The following OPTN variants were observed in gnomAD, a reference collection of about 807,000 sequenced individuals.
OPTN encodes the protein E3-14.7K-interacting protein.
In OPTN, 54 loss-of-function variants were observed where a neutral mutation model predicts 70.4. The ratio of observed to expected loss-of-function variants is 0.77; its 90% CI spans 0.62 to 0.96. The LOEUF is 0.96. Ranked by LOEUF, OPTN falls within the 40% of genes least tolerant of loss-of-function variation. The pLI, the probability that OPTN is intolerant of heterozygous loss-of-function variation, is 0.00. For missense variants in OPTN, 624 were observed against 673.2 expected, an observed-to-expected ratio of 0.93 and a Z score of 0.81; for synonymous variants, 256 against 248.5, an observed-to-expected ratio of 1.03 and a Z score of -0.28.
intron 10 of OPTN, 47 bp from the exon 11 acceptor site, chr10:13,125,899 T>C: frequency 7.3e-7 from 1 of 1,371,458 alleles, no homozygotes; most frequent in Non-Finnish European, 1.0e-6. Flanking sequence ...TATAAGTTTC[T>C]ATGATATTTT....
intron 12 of OPTN, among the ~76,000 whole-genome samples, chr10:13,130,593 C>T (rs892612800): frequency 2.0e-5 from 3 of 151,974 alleles, no homozygotes; most frequent in African/African-American, 4.8e-5. Context: ...GATCCACTGC[C>T]AACACTGTGA....
At chr10:13,114,189 G>A (rs182231095) in intron 5 of OPTN, among the ~76,000 whole-genome samples, 1 of 152,138 alleles carries the variant, frequency 6.6e-6, no homozygotes, top group African/African-American at 2.4e-5. Context: ...GGTTATATCT[G>A]AAATATGAAT....
At chr10:13,101,621 T>C (rs1302830997) in intron 1 of OPTN, among the ~76,000 whole-genome samples, 2 of 152,192 alleles carry the variant, frequency 1.3e-5, no homozygotes, top group Non-Finnish European at 2.9e-5. Context: ...TTAAACTTTT[T>C]TTTAAAAAAA....
At position 13,127,733 on chromosome 10, in the gene OPTN, T is replaced by G; in HGVS notation, c.1243-12T>G. The G allele has an allele frequency of 6.2e-7, 1 of 1,613,722 alleles. No homozygotes were observed. The highest frequency in any genetic ancestry group is 8.5e-7 in the Non-Finnish European group (1 of 1,179,642). Reference sequence around the variant, plus strand: ...TTCAAAACCATTTCTAGAATAAATGTTTCTTTTTCAGTCAGAAAAAGTGGA... The same window carrying G: ...TTCAAAACCATTTCTAGAATAAATGGTTCTTTTTCAGTCAGAAAAAGTGGA... On this transcript the variant is annotated splice_polypyrimidine_tract_variant and intron_variant, in intron 11 of 14. Coordinates refer to ENST00000378747, the MANE Select transcript of OPTN (RefSeq NM_001008212.2).
At chr10:13,105,073 T>G (rs969354976) in intron 1 of OPTN, among the ~76,000 whole-genome samples, 2 of 152,094 alleles carry the variant, frequency 1.3e-5, no homozygotes, top group African/African-American at 4.8e-5. Flanking sequence ...GTGCTGGGAT[T>G]ACAGGCATAA....
intron 1 of OPTN, among the ~76,000 whole-genome samples, chr10:13,101,999 G>C (rs1832758111): frequency 6.6e-6 from 1 of 152,228 alleles, no homozygotes; most frequent in Non-Finnish European, 1.5e-5. Flanking sequence ...AGAGAAAATA[G>C]ACGGGCAGAC....
chr10:13,136,966 CT>C lies in OPTN; in HGVS notation c.*101del. The C allele has an allele frequency of 3.3e-6, 5 of 1,506,892 alleles. No homozygotes were observed. The Middle Eastern group carries it at 8.5e-4, about 257-fold the overall frequency. The allele number at this position is 1,506,892 out of a possible 1,614,324, so 93.3% of individuals were successfully genotyped here. A position where few individuals can be genotyped will look rare whatever the true frequency, so the allele number is the denominator to read the frequency against. On this transcript the variant is annotated 3_prime_UTR_variant, in exon 15 of 15. Coordinates refer to ENST00000378747, the MANE Select transcript of OPTN (RefSeq NM_001008212.2). Reference sequence around the variant, plus strand: ...ATTTGTTTTCACTCAAATATTTTGCCTCATTATTCTTGTTTTAAAAGAAAGA... The same window carrying C: ...ATTTGTTTTCACTCAAATATTTTGCCCATTATTCTTGTTTTAAAAGAAAGA...
At chr10:13,109,087 T>A (rs745547586) in intron 2 of OPTN, 25 bp from the exon 3 acceptor site, 27 of 1,612,404 alleles carry the variant, frequency 1.7e-5, no homozygotes, top group Non-Finnish European at 2.2e-5. Context: ...GACAGCTCTA[T>A]TTTCAACAGG....
rs560438634 is a variant in OPTN at position 13,118,939 on chromosome 10, C to G, written c.678C>G (p.Phe226Leu). ...CTGCAGATGGGGCCAAGAATTACTT[C>G]GAACATGAGGAGTTAACTGTGAGCC... The part of the protein sequence containing the change: ...SRSADGAKNY[F>L]EHEELTVSQL... The change falls in exon 7 of 15, where the codon TTC (phenylalanine) becomes TTG (leucine). Residue 226 changes from phenylalanine to leucine, a missense_variant. Physicochemically the swap from Phe to Leu is conservative, Grantham distance 22 (BLOSUM62 0). Coordinates refer to ENST00000378747, the MANE Select transcript of OPTN (RefSeq NM_001008212.2). 8.1e-6 allele frequency: 13 copies of G among 1,613,892 alleles called. No homozygotes were observed. In the African/African-American group the frequency reaches 1.2e-4, roughly 15 times the overall value.
chr10:13,120,854 C>T (rs1752606393), intron 7 of OPTN, among the ~76,000 whole-genome samples: 2 of 152,180 alleles, frequency 1.3e-5, no homozygotes, highest in African/African-American at 4.8e-5. Flanking sequence ...GTTTAACTGA[C>T]TCACAGTTCA....
At position 13,112,468 on chromosome 10, in the gene OPTN, T is replaced by G. The variant is rs369071606; in HGVS notation, c.385T>G (p.Ser129Ala). Residue 129 changes from serine (S) to alanine (A), a missense_variant, in exon 5 of 15, where the codon TCC (serine) becomes GCC (alanine). Physicochemically the swap from Ser to Ala is moderately conservative, Grantham distance 99 (BLOSUM62 1). Transcript: ENST00000378747. ...TCATCTCCAGGACCCCACTGATGACTCCAGGCTTCCCAGGGCCGAAGCGGA... is the reference window on the plus strand; with the variant it reads ...TCATCTCCAGGACCCCACTGATGACGCCAGGCTTCCCAGGGCCGAAGCGGA... The part of the protein sequence containing the change: ...ERSSEDPTDD[S>A]RLPRAEAEQE... 1.1e-5 allele frequency: 17 copies of G among 1,613,884 alleles called. No homozygotes were observed. The African/African-American group carries it at 2.0e-4, about 19-fold the overall frequency.
rs759378585 is a variant in OPTN, at chr10:13,116,303, C to A, written c.589C>A (p.His197Asn). 24 of 1,613,414 alleles carry A rather than the reference C, an allele frequency of 1.5e-5. No individual in the cohort carries two copies. In the African/African-American group the frequency reaches 2.5e-4, roughly 17 times the overall value. Residue 197 changes from histidine (H) to asparagine (N), a missense_variant, in exon 6 of 15, where the codon CAT becomes AAT. Coordinates refer to ENST00000378747, the MANE Select transcript of OPTN (RefSeq NM_001008212.2). ...EAEGSVKEIK[H>N]SPGPTRTVST... ...AGAAGGGTCAGTAAAAGAAATCAAG[C>A]ATAGTCCTGGGCCCACGAGAACAGT...
chr10:13,108,918 A>ACACT, intron 2 of OPTN, 194 bp from the exon 3 acceptor site: 1 of 635,350 alleles, frequency 1.6e-6, no homozygotes. Flanking sequence ...GTGCACACAC[A>ACACT]CACACACTTT....
intron 11 of OPTN, 48 bp downstream of exon 11, chr10:13,126,087 C>A: frequency 9.0e-7 from 1 of 1,105,244 alleles, no homozygotes; most frequent in Non-Finnish European, 1.4e-6. Context: ...TGAACAGAAA[C>A]TGTTGAACGT....
chr10:13,104,760 C>T (rs1439832174), intron 1 of OPTN: 3 of 643,466 alleles, frequency 4.7e-6, no homozygotes, highest in African/African-American at 1.8e-5. Flanking sequence ...AACTTCTTGT[C>T]CATAAATCCC....
At chr10:13,123,255 C>G (rs924110805) in intron 8 of OPTN, 2 of 152,810 alleles carry the variant, frequency 1.3e-5, no homozygotes, top group Admixed American at 6.5e-5. Context: ...GCCTTCGAGT[C>G]TGCAGAGAGT....
intron 1 of OPTN, among the ~76,000 whole-genome samples, chr10:13,102,556 T>TG (rs1395542874): frequency 6.6e-6 from 1 of 152,210 alleles, no homozygotes; most frequent in Admixed American, 6.5e-5. Context: ...GCAGAACCCC[T>TG]GTCCTTTGTG....
chr10:13,109,412 A>C, intron 3 of OPTN, 124 bp downstream of exon 3: 1 of 974,160 alleles, frequency 1.0e-6, no homozygotes, highest in East Asian at 2.6e-5. Context: ...GCTGGTGGGG[A>C]AGCACAGGAT....
intron 1 of OPTN, among the ~76,000 whole-genome samples, chr10:13,100,580 C>A (rs966916411): frequency 1.3e-5 from 2 of 152,222 alleles, no homozygotes; most frequent in African/African-American, 4.8e-5. Flanking sequence ...CGCAGGTAAC[C>A]CCTCTACAAG....
Sources: gnomAD v4.1 joint callset for allele counts (sites outside exome capture counted in the v4.1 genomes callset) on GRCh38, gnomAD v4.1.1 for gene constraint, MANE v1.5 for transcripts, NCBI Gene and HGNC (gene_info 2026-07-23, HGNC 2026-07-21) for gene names.